SEMA5A: variants seen among roughly 807,000 people sequenced by gnomAD.
SEMA5A encodes the protein semaphorin 5A.
A neutral mutation model predicts 135.5 loss-of-function variants in SEMA5A; 55 were observed. The ratio of observed to expected loss-of-function variants is 0.41; its 90% CI spans 0.33 to 0.51. The LOEUF (loss-of-function observed/expected upper bound fraction) is 0.51, where lower values mean the gene tolerates loss of function less well. Ranked by LOEUF, SEMA5A falls within the 20% of genes least tolerant of loss-of-function variation. SEMA5A has a pLI of 0.37. For synonymous variants in SEMA5A, 580 were observed against 546.5 expected (o/e 1.06, Z -0.85); for missense variants, 1,290 against 1,419.9 (o/e 0.91, Z 1.47).
At chr5:9,066,836 C>T (rs1737499934) in intron 16 of SEMA5A, among the ~76,000 whole-genome samples, 190 bp from the exon 17 acceptor site, 1 of 152,146 alleles carries the variant, frequency 6.6e-6, no homozygotes, top group South Asian at 2.1e-4. Flanking sequence ...GTGTTCAAGA[C>T]ATCTCCAAAA....
At chr5:9,253,387 G>A (rs1748903763) in intron 5 of SEMA5A, among the ~76,000 whole-genome samples, 1 of 152,020 alleles carries the variant, frequency 6.6e-6, no homozygotes, top group African/African-American at 2.4e-5. Flanking sequence ...TATTCTCTTA[G>A]GATTATTGTA....
Position 9,035,296 on chromosome 5 carries a change from G to C in SEMA5A, c.*7601C>G, listed in dbSNP as rs1333843675. 2.0e-5 allele frequency: 3 copies of C among 152,122 alleles called. No homozygotes were observed. The highest frequency in any genetic ancestry group is 4.4e-5 in the Non-Finnish European group (3 of 68,020). 9.4% of individuals were successfully genotyped at this position (152,122 alleles called of 1,614,324 possible). Reference sequence around the variant, plus strand: ...TGAATAGGGTTGAGATACAGAAACTGTCAATGCACCAAGAGCAGTAAGAGA... The same window carrying C: ...TGAATAGGGTTGAGATACAGAAACTCTCAATGCACCAAGAGCAGTAAGAGA... On this transcript the variant is annotated 3_prime_UTR_variant, in exon 23 of 23. Transcript: ENST00000382496.
In SEMA5A at chr5:9,359,152, C is replaced by T. The variant is rs182703675; in HGVS notation, c.124+20671G>A. ...GGAATACCACAGTAGCAGCTCCTCC[C>T]CCCACCAGCTAGAGGCTGCAGAATA... On this transcript the variant is annotated intron_variant, in intron 3 of 22. Coordinates refer to ENST00000382496, the MANE Select transcript of SEMA5A (RefSeq NM_003966.3). 3.2e-4 allele frequency among the ~76,000 whole-genome samples: 48 copies of T among 152,236 alleles called. No homozygotes were observed. The East Asian group carries it at 7.9e-3, about 25-fold the overall frequency.
At chr5:9,298,008 GTCC>G (rs1213661510) in intron 5 of SEMA5A, among the ~76,000 whole-genome samples, 1 of 152,142 alleles carries the variant, frequency 6.6e-6, no homozygotes, top group Non-Finnish European at 1.5e-5. Context: ...TGACCAAAAT[GTCC>G]TCTAGTCATC....
chr5:9,420,983 T>C (rs1031876402), intron 2 of SEMA5A, among the ~76,000 whole-genome samples: 2 of 152,198 alleles, frequency 1.3e-5, no homozygotes, highest in African/African-American at 2.4e-5. Context: ...GCCACTGCAC[T>C]CCAGCCTGGG....
chr5:9,244,259 G>A (rs1405637682), intron 5 of SEMA5A, among the ~76,000 whole-genome samples: 1 of 152,164 alleles, frequency 6.6e-6, no homozygotes. Context: ...CCCTACCGGG[G>A]CTTCCCACAC....
intron 1 of SEMA5A, among the ~76,000 whole-genome samples, chr5:9,496,111 C>T (rs979087633): frequency 2.6e-5 from 4 of 152,202 alleles, no homozygotes; most frequent in Non-Finnish European, 4.4e-5. Context: ...GTGGCATGAT[C>T]TCGGCTCACT....
chr5:9,390,302 C>T (rs545404829), intron 2 of SEMA5A, among the ~76,000 whole-genome samples: 12 of 152,206 alleles, frequency 7.9e-5, no homozygotes, highest in East Asian at 3.9e-4. Context: ...TGAAAGCAGA[C>T]GGAAGATATC....
At chr5:9,377,225 T>A (rs977934421) in intron 3 of SEMA5A, among the ~76,000 whole-genome samples, 3 of 152,176 alleles carry the variant, frequency 2.0e-5, no homozygotes, top group Admixed American at 6.5e-5. Flanking sequence ...ATTGCCACCT[T>A]TCATCTAAGG....
chr5:9,194,296 A>G (rs1014576502), intron 10 of SEMA5A, among the ~76,000 whole-genome samples: 3 of 152,228 alleles, frequency 2.0e-5, no homozygotes, highest in Admixed American at 6.5e-5. Flanking sequence ...TGAGATTTCT[A>G]TATTAAATGT....
chr5:9,137,393 T>C (rs1229968643), intron 12 of SEMA5A, among the ~76,000 whole-genome samples: 1 of 152,114 alleles, frequency 6.6e-6, no homozygotes, highest in Non-Finnish European at 1.5e-5. Flanking sequence ...AATGAAAGAG[T>C]TCATACACTA....
rs1234210439 is a variant in SEMA5A at position 9,041,021 on chromosome 5, C to CAGA, written c.*1873_*1875dup. The CAGA allele has an allele frequency of 6.6e-6, 1 of 152,160 alleles. No homozygotes were observed. The highest frequency in any genetic ancestry group is 1.5e-5 in the Non-Finnish European group (1 of 68,038). The allele number at this position is 152,160 out of a possible 1,614,324, so 9.4% of individuals were successfully genotyped here. On this transcript the variant is annotated 3_prime_UTR_variant, in exon 23 of 23. Coordinates refer to ENST00000382496, the MANE Select transcript of SEMA5A (RefSeq NM_003966.3). ...TGGACTTTGAGCATGTGCATATAGA[C>CAGA]AGAAGACTCTGACATATGAGGAATG...
At chr5:9,179,440 T>G (rs1744384923) in intron 11 of SEMA5A, among the ~76,000 whole-genome samples, 2 of 152,176 alleles carry the variant, frequency 1.3e-5, no homozygotes, top group South Asian at 2.1e-4. Flanking sequence ...AACAGGAAAT[T>G]TATCTGCTCC....
chr5:9,287,229 C>CAA (rs1258523035), intron 5 of SEMA5A, among the ~76,000 whole-genome samples: 5 of 152,102 alleles, frequency 3.3e-5, no homozygotes, highest in Admixed American at 1.3e-4. Context: ...CAGCATGATC[C>CAA]GAAAAATGCC....
chr5:9,470,551 G>T (rs184421481), intron 1 of SEMA5A, among the ~76,000 whole-genome samples: 1 of 152,162 alleles, frequency 6.6e-6, no homozygotes, highest in Admixed American at 6.5e-5. Flanking sequence ...ATCCATGAGC[G>T]CTGTCCAGTC....
chr5:9,205,203 G>A (rs1241885007), intron 8 of SEMA5A, among the ~76,000 whole-genome samples: 1 of 152,154 alleles, frequency 6.6e-6, no homozygotes, highest in Non-Finnish European at 1.5e-5. Context: ...TCTTTCCATG[G>A]AGACTGGTAA....
chr5:9,462,079 C>G (rs1328488657), intron 1 of SEMA5A, among the ~76,000 whole-genome samples: 2 of 152,292 alleles, frequency 1.3e-5, no homozygotes, highest in South Asian at 2.1e-4. Flanking sequence ...ACTTCAATCC[C>G]AAGACTTTCT....
At chr5:9,486,477 C>A (rs1734730940) in intron 1 of SEMA5A, among the ~76,000 whole-genome samples, 1 of 152,076 alleles carries the variant, frequency 6.6e-6, no homozygotes, top group Admixed American at 6.5e-5. Context: ...ATAAATACAA[C>A]TCCCTGGGTT....
intron 1 of SEMA5A, among the ~76,000 whole-genome samples, chr5:9,534,011 A>C (rs918693499): frequency 6.6e-6 from 1 of 152,234 alleles, no homozygotes; most frequent in Non-Finnish European, 1.5e-5. Context: ...CTGAAGAGGA[A>C]CAAAGATAAA....
Sources: gnomAD v4.1 joint callset for allele counts (sites outside exome capture counted in the v4.1 genomes callset) on GRCh38, gnomAD v4.1.1 for gene constraint, MANE v1.5 for transcripts, NCBI Gene and HGNC (gene_info 2026-07-23, HGNC 2026-07-21) for gene names.